Variants in TBL1XR1 observed in about 807,000 individuals in gnomAD.
The protein encoded by TBL1XR1 is TBL1X/Y related 1.
In TBL1XR1, 5 loss-of-function variants were observed where a neutral mutation model predicts 66.9. That is an observed-to-expected ratio of 0.07 (90% CI 0.04 to 0.16). The LOEUF (loss-of-function observed/expected upper bound fraction) is 0.16. TBL1XR1 is among the 10% of genes least tolerant of loss of function. TBL1XR1 has a pLI of 1.00. For synonymous variants in TBL1XR1, 210 were observed against 206.0 expected, an observed-to-expected ratio of 1.02 and a Z score of -0.17; for missense variants, 238 against 623.2, an observed-to-expected ratio of 0.38 and a Z score of 6.58.
chr3:177,082,055 C>T (rs1427548181), intron 2 of TBL1XR1, among the ~76,000 whole-genome samples: 1 of 152,124 alleles, frequency 6.6e-6, no homozygotes, highest in Non-Finnish European at 1.5e-5. Context: ...TGCAATTCTA[C>T]CATCTCCAAA....
At chr3:177,132,510 A>C (rs1038366685) in intron 1 of TBL1XR1, among the ~76,000 whole-genome samples, 6 of 152,202 alleles carry the variant, frequency 3.9e-5, no homozygotes, top group Non-Finnish European at 8.8e-5. Flanking sequence ...TTTAGCAATC[A>C]AACCTTGTCC....
chr3:177,141,221 A>G (rs1157340820), intron 1 of TBL1XR1, among the ~76,000 whole-genome samples: 2 of 152,202 alleles, frequency 1.3e-5, no homozygotes, highest in Non-Finnish European at 2.9e-5. Flanking sequence ...GGGATGGGGG[A>G]AAAAGATCTT....
At chr3:177,053,527 A>T (rs1283590914) in intron 4 of TBL1XR1, among the ~76,000 whole-genome samples, 2 of 152,222 alleles carry the variant, frequency 1.3e-5, no homozygotes, top group Non-Finnish European at 2.9e-5. Context: ...TTGTGTTAAT[A>T]AAAATTCTTT....
chr3:177,064,858 A>G (rs1223467319), intron 3 of TBL1XR1, 62 bp downstream of exon 3: 3 of 1,162,602 alleles, frequency 2.6e-6, no homozygotes, highest in African/African-American at 3.2e-5. Flanking sequence ...TCAAATGCAT[A>G]AAAGATTATT....
At chr3:177,133,918 T>C (rs576222241) in intron 1 of TBL1XR1, among the ~76,000 whole-genome samples, 22 of 148,128 alleles carry the variant, frequency 1.5e-4, no homozygotes, top group African/African-American at 2.5e-4. Context: ...GTTAACACTA[T>C]ATATTGGACG....
Position 177,051,694 on chromosome 3 carries a change from C to T in TBL1XR1, c.237G>A (p.Glu79=), listed in dbSNP as rs560292728. The change falls in exon 5 of 16, where the codon GAG becomes GAA. Residue 79 remains glutamate (E), a synonymous_variant. Coordinates refer to ENST00000457928, the MANE Select transcript of TBL1XR1 (RefSeq NM_024665.7). ...DGTLFDGRPI[E]SLSLIDAVMP... ...TTACGGCATCTATCAGGGACAGAGA[C>T]TCTATTGGTCGACCATCAAACAAGG... is the stretch of plus-strand genomic sequence containing the variant. 3.1e-6 allele frequency: 5 copies of T among 1,596,974 alleles called. No individual in the cohort carries two copies. Among genetic ancestry groups the T allele is most frequent in the Non-Finnish European group, 4.3e-6 (5 of 1,169,076 alleles).
chr3:177,089,116 A>G (rs569401318), intron 2 of TBL1XR1, among the ~76,000 whole-genome samples: 1 of 152,204 alleles, frequency 6.6e-6, no homozygotes, highest in Non-Finnish European at 1.5e-5. Context: ...AGAATAATCA[A>G]GTTCTGAGAG....
chr3:177,114,274 TAC>T (rs1255091633), intron 1 of TBL1XR1, among the ~76,000 whole-genome samples: 1 of 151,338 alleles, frequency 6.6e-6, no homozygotes, highest in Non-Finnish European at 1.5e-5. Context: ...CATATATATA[TAC>T]ACACATCATA....
intron 1 of TBL1XR1, among the ~76,000 whole-genome samples, chr3:177,148,203 C>A (rs566682587): frequency 1.3e-5 from 2 of 152,096 alleles, no homozygotes; most frequent in Non-Finnish European, 2.9e-5. Context: ...TAGATGACAG[C>A]TAGTTAAGGA....
chr3:177,061,043 C>A (rs148835481), intron 3 of TBL1XR1, among the ~76,000 whole-genome samples: 2 of 152,076 alleles, frequency 1.3e-5, no homozygotes, highest in Non-Finnish European at 2.9e-5. Flanking sequence ...AAGTAATTTG[C>A]GTAGGGTGAA....
intron 2 of TBL1XR1, among the ~76,000 whole-genome samples, chr3:177,077,398 G>A (rs1437371199): frequency 6.6e-6 from 1 of 152,148 alleles, no homozygotes. Flanking sequence ...ACCTGAAAAT[G>A]AGGGGCTTTT....
At chr3:177,071,031 G>GTTTTGTTTTTTTTTTTT (rs768177980) in intron 2 of TBL1XR1, among the ~76,000 whole-genome samples, 4 of 104,716 alleles carry the variant, frequency 3.8e-5, no homozygotes, top group African/African-American at 1.2e-4. Context: ...CTGAGAATCT[G>GTTTTGTTTTTTTTTTTT]TTTTTTTTTT....
At chr3:177,115,342 A>G (rs1457977884) in intron 1 of TBL1XR1, among the ~76,000 whole-genome samples, 1 of 152,208 alleles carries the variant, frequency 6.6e-6, no homozygotes, top group Non-Finnish European at 1.5e-5. Flanking sequence ...TAACATAATC[A>G]GTATTTATAA....
chr3:177,135,379 A>ATATATG (rs1301661208), intron 1 of TBL1XR1, among the ~76,000 whole-genome samples: 6 of 26,368 alleles, frequency 2.3e-4, no homozygotes, highest in South Asian at 2.5e-3. Flanking sequence ...ATATATATAT[A>ATATATG]TATGTATGTA....
intron 1 of TBL1XR1, among the ~76,000 whole-genome samples, chr3:177,153,124 AAT>A (rs1484217558): frequency 6.6e-6 from 1 of 152,264 alleles, no homozygotes; most frequent in Admixed American, 6.5e-5. Context: ...AACAGAGTGA[AAT>A]AGTGTCTCAA....
chr3:177,144,400 T>G (rs1162696057), intron 1 of TBL1XR1, among the ~76,000 whole-genome samples: 1 of 152,170 alleles, frequency 6.6e-6, no homozygotes, highest in African/African-American at 2.4e-5. Context: ...CAGATAGTAA[T>G]TCTTCCAAGG....
intron 1 of TBL1XR1, among the ~76,000 whole-genome samples, chr3:177,171,572 G>A (rs12485447): frequency 0.48 from 71,168 of 149,430 alleles, 18,042 homozygotes; most frequent in Non-Finnish European, 0.57. Context: ...GTGTGGTGGC[G>A]GGCGCCTGTA....
intron 1 of TBL1XR1, among the ~76,000 whole-genome samples, chr3:177,130,005 C>T (rs574195604): frequency 7.2e-5 from 11 of 152,040 alleles, no homozygotes; most frequent in African/African-American, 1.9e-4. Flanking sequence ...ATTAGCTGGG[C>T]GTAGTGGCGT....
chr3:177,173,799 C>T (rs1733841529), intron 1 of TBL1XR1, among the ~76,000 whole-genome samples: 2 of 152,130 alleles, frequency 1.3e-5, no homozygotes, highest in Admixed American at 1.3e-4. Flanking sequence ...ACTGAGGAAG[C>T]AGTGTGAGGG....
Sources: gnomAD v4.1 joint callset for allele counts (sites outside exome capture counted in the v4.1 genomes callset) on GRCh38, gnomAD v4.1.1 for gene constraint, MANE v1.5 for transcripts, NCBI Gene and HGNC (gene_info 2026-07-23, HGNC 2026-07-21) for gene names.